The following DOP1B variants were observed in gnomAD, a reference collection of about 807,000 sequenced individuals.
The protein encoded by DOP1B is DOP1 leucine zipper like protein B, also known as protein DOP1B.
Under a neutral mutation model 233.5 loss-of-function variants are expected in DOP1B, and 174 were observed. The observed-to-expected ratio is 0.75, with a 90% CI of 0.66 to 0.85. The LOEUF is 0.85. Among genes scored for constraint, DOP1B ranks in the 40% least tolerant of loss-of-function variants. DOP1B has a pLI of 0.00. For missense variants in DOP1B, 2,652 were observed against 2,846.6 expected (o/e 0.93, Z 1.56); for synonymous variants, 1,190 against 1,185.6 (o/e 1.00, Z -0.08).
chr21:36,247,742 T>C lies in DOP1B; in HGVS notation c.4809+114T>C, dbSNP rs888746004. ...ATGTAATGTCTGTAACTAATATGCG[T>C]ATGGAGGTGATGCAAATGTGAATGC... On this transcript the variant is annotated intron_variant, in intron 20 of 36. Coordinates refer to ENST00000691173, the MANE Select transcript of DOP1B (RefSeq NM_001320714.2). 3 of 695,302 alleles carry C rather than the reference T, an allele frequency of 4.3e-6. No homozygotes were observed. The Admixed American group carries it at 1.0e-4, about 23-fold the overall frequency. 43.1% of individuals were successfully genotyped at this position (695,302 alleles called of 1,614,324 possible).
intron 15 of DOP1B, 131 bp downstream of exon 15, chr21:36,233,206 GGCAGTA>G: frequency 2.5e-6 from 3 of 1,215,598 alleles, no homozygotes; most frequent in Non-Finnish European, 3.4e-6. Context: ...ACTGGGCAGA[GGCAGTA>G]GCCTTTGGTC....
intron 11 of DOP1B, 87 bp downstream of exon 11, chr21:36,223,437 T>G: frequency 6.6e-7 from 1 of 1,504,392 alleles, no homozygotes; most frequent in South Asian, 1.3e-5. Context: ...TCAGATTATA[T>G]ATAAGTAGCT....
intron 32 of DOP1B, among the ~76,000 whole-genome samples, chr21:36,284,558 T>C (rs1340612214): frequency 6.6e-6 from 1 of 151,940 alleles, no homozygotes; most frequent in Non-Finnish European, 1.5e-5. Flanking sequence ...CATGAGCCAC[T>C]GCGCCCAGCC....
At chr21:36,237,544 G>T (rs1325020224) in intron 16 of DOP1B, 130 bp downstream of exon 16, 35 of 1,214,850 alleles carry the variant, frequency 2.9e-5, no homozygotes, top group Non-Finnish European at 3.9e-5. Context: ...AATAAAATAA[G>T]CAGAGGTGTT....
intron 2 of DOP1B, among the ~76,000 whole-genome samples, chr21:36,166,355 T>G (rs1052361901): frequency 6.6e-6 from 1 of 151,480 alleles, no homozygotes; most frequent in Non-Finnish European, 1.5e-5. Flanking sequence ...GAGAATGGCG[T>G]GAACCAGGGA....
rs374834380 is a variant in DOP1B at position 36,245,379 on chromosome 21, C to T, written c.3399C>T (p.His1133=). 159 of 1,613,998 alleles carry T rather than the reference C, an allele frequency of 9.9e-5. No homozygotes were observed. The highest frequency in any genetic ancestry group is 1.1e-4 in the Non-Finnish European group (129 of 1,180,060). The change falls in exon 19 of 37, where the codon CAC becomes CAT. Residue 1133 remains histidine, a synonymous_variant. Transcript: ENST00000691173. This position sits in a 1 kb window ranked among gnomAD's most constrained non-coding sequence, Gnocchi z 5.5. ...ENTSSFSSPS[H]DLQELSNEEN... ...CGTCCTCCTTCTCCTCCCCTTCCCA[C>T]GACCTGCAGGAGCTGAGCAACGAAG...
intron 2 of DOP1B, among the ~76,000 whole-genome samples, chr21:36,195,808 A>T (rs1168117316): frequency 1.3e-5 from 2 of 152,250 alleles, no homozygotes; most frequent in Admixed American, 1.3e-4. Context: ...TCCTCAAATC[A>T]TGGTGACTTT....
intron 21 of DOP1B, 52 bp from the exon 22 acceptor site, chr21:36,251,110 T>C: frequency 1.3e-6 from 2 of 1,580,360 alleles, no homozygotes; most frequent in Middle Eastern, 1.7e-4. Flanking sequence ...ATGTATATGA[T>C]GCCATAGCCC....
intron 1 of DOP1B, among the ~76,000 whole-genome samples, chr21:36,162,089 G>C (rs891317161): frequency 6.6e-6 from 1 of 152,190 alleles, no homozygotes; most frequent in African/African-American, 2.4e-5. Context: ...TAGTTCTGGA[G>C]GCTGAGAAGT....
intron 2 of DOP1B, among the ~76,000 whole-genome samples, chr21:36,165,398 G>GTGTGTGTGTGCATGTGTGTGCA (rs2065899948): frequency 6.6e-6 from 1 of 152,132 alleles, no homozygotes; most frequent in African/African-American, 2.4e-5. Context: ...CAAAACTTGT[G>GTGTGTGTGTGCATGTGTGTGCA]TGTGTGTGTG....
In DOP1B at chr21:36,199,138, G is replaced by A; in HGVS notation, c.207G>A (p.Gln69=). 1.2e-6 allele frequency: 2 copies of A among 1,614,148 alleles called. No homozygotes were observed. Among genetic ancestry groups the A allele is most frequent in the Non-Finnish European group, 1.7e-6 (2 of 1,180,040 alleles). The part of the protein sequence containing the change: ...RRLLISKRLA[Q]CLHPALPSGV... ...TCCTCATCAGCAAAAGATTAGCTCA[G>A]TGTTTGCACCCTGCCCTGCCCAGTG... Residue 69 remains glutamine (Q), a synonymous_variant, in exon 3 of 37, where the codon CAG becomes CAA. Coordinates refer to ENST00000691173, the MANE Select transcript of DOP1B (RefSeq NM_001320714.2).
intron 2 of DOP1B, among the ~76,000 whole-genome samples, chr21:36,185,139 T>C (rs529422988): frequency 1.3e-5 from 2 of 152,254 alleles, no homozygotes; most frequent in East Asian, 1.9e-4. Context: ...CAATAAAATA[T>C]GTTTAAAAAT....
intron 36 of DOP1B, 22 bp downstream of exon 36, chr21:36,292,255 T>TA: frequency 5.4e-6 from 8 of 1,490,990 alleles, no homozygotes; most frequent in Non-Finnish European, 7.2e-6. Context: ...TCTTTTCTTT[T>TA]CTTTTTTTTT....
Position 36,232,845 on chromosome 21 carries a change from A to G in DOP1B, c.2392A>G (p.Met798Val). 7 of 1,613,356 alleles carry G rather than the reference A, an allele frequency of 4.3e-6. No homozygotes were observed. The East Asian group carries it at 8.9e-5, about 21-fold the overall frequency. Reference sequence around the variant, plus strand: ...TTTTCCATCTTGGCTGAAGTCCCTCATGACTATTTGCTGCTGTGTGACTGA... The same window carrying G: ...TTTTCCATCTTGGCTGAAGTCCCTCGTGACTATTTGCTGCTGTGTGACTGA... ...SSFPSWLKSL[M>V]TICCCVTDCY... Residue 798 changes from methionine to valine, a missense_variant, in exon 15 of 37, where the codon ATG becomes GTG. Transcript: ENST00000691173.
In DOP1B at chr21:36,278,352, T is replaced by G. The variant is rs779467244; in HGVS notation, c.5966T>G (p.Val1989Gly). The change falls in exon 30 of 37, where the codon GTT (valine) becomes GGT (glycine). Residue 1989 changes from valine (V) to glycine (G), a missense_variant. Physicochemically the swap from Val to Gly is moderately radical, Grantham distance 109. This residue lies in a region of DOP1B where 2,617 missense variants were observed against 2,794.3 expected (regional missense o/e 0.94). Transcript: ENST00000691173. ...TTCTTTCAGATGGATACTTCCTGTG[T>G]TCAGTAAGATATGCTGTCCTGATAA... Reference protein sequence around the residue: ...PAFFQMDTSCVHWKSIIDHLL... With the variant: ...PAFFQMDTSCGHWKSIIDHLL... 6.2e-7 allele frequency: 1 copy of G among 1,611,498 alleles called. No homozygotes were observed. Among genetic ancestry groups the G allele is most frequent in the Non-Finnish European group, 8.5e-7 (1 of 1,179,552 alleles).
At chr21:36,169,586 T>G in intron 2 of DOP1B, 1 of 1,032,254 alleles carries the variant, frequency 9.7e-7, no homozygotes, top group Non-Finnish European at 1.5e-6. Context: ...CTGTAGCCCC[T>G]CCTGGGCTCA....
At chr21:36,203,644 T>TGC (rs1555888952) in intron 4 of DOP1B, among the ~76,000 whole-genome samples, 1 of 150,840 alleles carries the variant, frequency 6.6e-6, no homozygotes, top group African/African-American at 2.4e-5. Context: ...GAGGGTGCAG[T>TGC]GGGGGGGGTC....
At chr21:36,179,437 A>C (rs1324595853) in intron 2 of DOP1B, among the ~76,000 whole-genome samples, 1 of 152,214 alleles carries the variant, frequency 6.6e-6, no homozygotes, top group African/African-American at 2.4e-5. Flanking sequence ...CATTTTGTAC[A>C]TGACAGATGA....
At chr21:36,227,231 T>A (rs959650688) in intron 12 of DOP1B, among the ~76,000 whole-genome samples, 3 of 144,192 alleles carry the variant, frequency 2.1e-5, no homozygotes, top group African/African-American at 7.7e-5. Flanking sequence ...AATAAATAAA[T>A]AAAATAAAAT....
Sources: allele counts gnomAD v4.1 joint callset (sites outside exome capture counted in the v4.1 genomes callset), GRCh38; gene constraint gnomAD v4.1.1; regional missense constraint gnomAD v4.1.1; non-coding constraint Gnocchi (gnomAD v3.1); transcripts MANE v1.5; gene names NCBI Gene and HGNC (gene_info 2026-07-23, HGNC 2026-07-21).